The following RAB3GAP2 variants were observed in gnomAD, a reference collection of about 807,000 sequenced individuals.
The protein encoded by RAB3GAP2 is RAB3 GTPase activating non-catalytic protein subunit 2, also known as rab3 GTPase-activating protein non-catalytic subunit.
A neutral mutation model predicts 185.3 loss-of-function variants in RAB3GAP2; 87 were observed. The observed-to-expected ratio is 0.47, with a 90% CI of 0.39 to 0.56. RAB3GAP2 has a LOEUF of 0.56. Ranked by LOEUF, RAB3GAP2 falls within the 20% of genes least tolerant of loss-of-function variation. The pLI is 0.00. For synonymous variants in RAB3GAP2, 554 were observed against 576.1 expected, an observed-to-expected ratio of 0.96 and a Z score of 0.55; for missense variants, 1,492 against 1,638.2, an observed-to-expected ratio of 0.91 and a Z score of 1.54.
intron 10 of RAB3GAP2, among the ~76,000 whole-genome samples, chr1:220,196,006 C>G (rs757506391): frequency 6.6e-6 from 1 of 152,194 alleles, no homozygotes; most frequent in Non-Finnish European, 1.5e-5. Context: ...TTAAAGACAT[C>G]TCAGCTATCA....
intron 1 of RAB3GAP2, among the ~76,000 whole-genome samples, chr1:220,259,219 G>GA (rs896835300): frequency 6.6e-5 from 10 of 151,382 alleles, no homozygotes; most frequent in East Asian, 3.9e-4. Context: ...CACAGAATTA[G>GA]AAAAAAAAAT....
chr1:220,262,144 A>T (rs1247574636), intron 1 of RAB3GAP2, among the ~76,000 whole-genome samples: 3 of 151,216 alleles, frequency 2.0e-5, no homozygotes, highest in Non-Finnish European at 4.4e-5. Context: ...AAAAAAAAAA[A>T]AAAAAAATTA....
chr1:220,211,078 A>G, intron 4 of RAB3GAP2, 76 bp from the exon 5 acceptor site: 1 of 1,383,474 alleles, frequency 7.2e-7, no homozygotes, highest in South Asian at 1.2e-5. Context: ...ATTGGATGTT[A>G]AAGGATAATA....
chr1:220,216,638 A>G (rs538520211), intron 2 of RAB3GAP2, among the ~76,000 whole-genome samples: 1 of 152,186 alleles, frequency 6.6e-6, no homozygotes, highest in Non-Finnish European at 1.5e-5. Context: ...ATTGCTTTTG[A>G]TAAGAAATTA....
intron 2 of RAB3GAP2, among the ~76,000 whole-genome samples, chr1:220,216,153 G>A (rs1264419800): frequency 2.0e-5 from 3 of 151,998 alleles, no homozygotes; most frequent in Non-Finnish European, 2.9e-5. Flanking sequence ...TTTTGCAATG[G>A]GATATTAGGA....
intron 21 of RAB3GAP2, among the ~76,000 whole-genome samples, chr1:220,178,290 AT>A (rs144054680): frequency 0.052 from 7,960 of 152,296 alleles, 313 homozygotes; most frequent in Middle Eastern, 0.095. Context: ...CCTATAAGAA[AT>A]GTGTGATTTC....
intron 7 of RAB3GAP2, 73 bp from the exon 8 acceptor site, chr1:220,206,079 T>C: frequency 1.0e-6 from 1 of 970,554 alleles, no homozygotes; most frequent in Non-Finnish European, 1.6e-6. Context: ...ATACTGAATT[T>C]CACGAATAAT....
At chr1:220,247,641 G>C (rs911743869) in intron 1 of RAB3GAP2, among the ~76,000 whole-genome samples, 1 of 152,048 alleles carries the variant, frequency 6.6e-6, no homozygotes, top group Non-Finnish European at 1.5e-5. Flanking sequence ...CTACATATTG[G>C]GTACAGTGTA....
chr1:220,235,031 A>C (rs1659566113), intron 1 of RAB3GAP2, among the ~76,000 whole-genome samples: 1 of 152,222 alleles, frequency 6.6e-6, no homozygotes, highest in African/African-American at 2.4e-5. Flanking sequence ...CCAAAATCAC[A>C]CAGGAGTAAG....
At chr1:220,157,044 T>C (rs1372104956) in intron 31 of RAB3GAP2, among the ~76,000 whole-genome samples, 2 of 151,784 alleles carry the variant, frequency 1.3e-5, no homozygotes, top group Non-Finnish European at 2.9e-5. Context: ...CCAGGAATAA[T>C]ATGGAGAATG....
chr1:220,152,561 T>G (rs924432056), intron 33 of RAB3GAP2, among the ~76,000 whole-genome samples: 3 of 152,158 alleles, frequency 2.0e-5, no homozygotes, highest in Non-Finnish European at 4.4e-5. Flanking sequence ...CTCAGGGCCT[T>G]TGTAATTCTT....
At chr1:220,213,733 G>T (rs1397967654) in intron 3 of RAB3GAP2, 123 bp downstream of exon 3, 30 of 151,960 alleles carry the variant, frequency 2.0e-4, no homozygotes, top group East Asian at 8.0e-4. Flanking sequence ...AGGAGGAGTT[G>T]GGGGGGGGGG....
intron 2 of RAB3GAP2, among the ~76,000 whole-genome samples, chr1:220,228,337 T>C (rs904271672): frequency 1.3e-5 from 2 of 152,118 alleles, no homozygotes; most frequent in African/African-American, 2.4e-5. Context: ...AGTTCTGGAG[T>C]TGTTCATAAT....
intron 9 of RAB3GAP2, among the ~76,000 whole-genome samples, chr1:220,200,201 T>C (rs1181975746): frequency 6.6e-6 from 1 of 152,164 alleles, no homozygotes. Context: ...CCTAGAATGC[T>C]CTTCCTACAC....
At chr1:220,154,895 T>TAGTAGA (rs1470770387) in intron 31 of RAB3GAP2, among the ~76,000 whole-genome samples, 1 of 152,070 alleles carries the variant, frequency 6.6e-6, no homozygotes, top group Admixed American at 6.5e-5. Context: ...CTAATTTTTT[T>TAGTAGA]GTATTTTTAG....
Position 220,151,676 on chromosome 1 carries a change from G to A in RAB3GAP2, c.3956C>T (p.Thr1319Ile), listed in dbSNP as rs754641718. The A allele has an allele frequency of 4.8e-5, 77 of 1,611,270 alleles. No individual in the cohort carries two copies. In the South Asian group the frequency reaches 7.6e-4, roughly 16 times the overall value. ...CAGCTCCATTCCTTCTTTTGTCTGG[G>A]TGTGGAGAAGCGCATGAGCCAGCCT... ...GQRLAHALLHTQTKEGMELLA... is the reference protein window; with the variant it reads ...GQRLAHALLHIQTKEGMELLA... The change falls in exon 34 of 35, where the codon ACC (threonine) becomes ATC (isoleucine). Residue 1319 changes from threonine (T) to isoleucine (I), a missense_variant. By Grantham distance (89) the Thr-to-Ile change is moderately conservative. Coordinates refer to ENST00000358951, the MANE Select transcript of RAB3GAP2 (RefSeq NM_012414.4).
intron 9 of RAB3GAP2, among the ~76,000 whole-genome samples, chr1:220,197,609 T>G (rs569856144): frequency 6.6e-4 from 101 of 152,296 alleles, no homozygotes; most frequent in African/African-American, 2.4e-3. Context: ...CAAAATTTGC[T>G]TAAGTTTTGC....
At chr1:220,180,629 T>G (rs186304554) in intron 21 of RAB3GAP2, among the ~76,000 whole-genome samples, 2 of 152,310 alleles carry the variant, frequency 1.3e-5, no homozygotes, top group African/African-American at 4.8e-5. Context: ...CTGATGAATT[T>G]CCTGCTGAAT....
At chr1:220,187,228 T>A (rs1571889212) in intron 17 of RAB3GAP2, among the ~76,000 whole-genome samples, 1 of 152,128 alleles carries the variant, frequency 6.6e-6, no homozygotes, top group South Asian at 2.1e-4. Flanking sequence ...TCTTGAACAA[T>A]GGGGGTGCTA....
Sources: gnomAD v4.1 joint callset for allele counts (sites outside exome capture counted in the v4.1 genomes callset) on GRCh38, gnomAD v4.1.1 for gene constraint, MANE v1.5 for transcripts, NCBI Gene and HGNC (gene_info 2026-07-23, HGNC 2026-07-21) for gene names.